Variants in CCM2 observed in about 807,000 individuals in gnomAD.
CCM2 encodes CCM2 scaffold protein, also known as cerebral cavernous malformations 2 protein.
In CCM2, 25 loss-of-function variants were observed where a neutral mutation model predicts 44.9. The observed-to-expected ratio is 0.56, with a 90% CI of 0.41 to 0.78. The LOEUF is 0.78. Among genes scored for constraint, CCM2 ranks in the 30% least tolerant of loss-of-function variants. The pLI is 0.00. For missense variants in CCM2, 481 were observed against 580.6 expected, an observed-to-expected ratio of 0.83 and a Z score of 1.76; for synonymous variants, 219 against 241.1, an observed-to-expected ratio of 0.91 and a Z score of 0.85.
intron 4 of CCM2, among the ~76,000 whole-genome samples, chr7:45,065,114 C>CT (rs1236595743): frequency 1.3e-5 from 2 of 152,238 alleles, no homozygotes; most frequent in African/African-American, 4.8e-5. Flanking sequence ...AGGTTACTCT[C>CT]TGTGTGTCCT....
chr7:45,033,177 C>G (rs775257932), intron 1 of CCM2, among the ~76,000 whole-genome samples: 1 of 152,030 alleles, frequency 6.6e-6, no homozygotes, highest in African/African-American at 2.4e-5. Flanking sequence ...GTTTCCTTGC[C>G]CTGCAAGAGT....
chr7:45,015,457 C>CCTTCCT (rs1299078350), intron 1 of CCM2, among the ~76,000 whole-genome samples: 6 of 152,286 alleles, frequency 3.9e-5, no homozygotes, highest in Admixed American at 3.3e-4. Flanking sequence ...TTCCCCTTCC[C>CCTTCCT]CTTCCTGGAT....
chr7:45,020,236 CTTGT>C (rs1796432159), intron 1 of CCM2, among the ~76,000 whole-genome samples: 1 of 151,962 alleles, frequency 6.6e-6, no homozygotes, highest in Non-Finnish European at 1.5e-5. Context: ...TTTTTTATTT[CTTGT>C]TTGTCTCCAG....
chr7:45,061,456 C>CTTTTTTTTTTTTT (rs57140747), intron 2 of CCM2, among the ~76,000 whole-genome samples: 13 of 122,278 alleles, frequency 1.1e-4, no homozygotes, highest in Non-Finnish European at 1.9e-4. Context: ...TTCTTTCTTT[C>CTTTTTTTTTTTTT]TTTTTTTTTT....
intron 1 of CCM2, among the ~76,000 whole-genome samples, chr7:45,022,528 C>T (rs1347532094): frequency 6.6e-6 from 1 of 151,034 alleles, no homozygotes; most frequent in African/African-American, 2.4e-5. Context: ...GGATGGTCTC[C>T]ATCTCCTGAC....
intron 2 of CCM2, among the ~76,000 whole-genome samples, chr7:45,049,121 A>G (rs1258904124): frequency 6.6e-6 from 1 of 151,948 alleles, no homozygotes; most frequent in Non-Finnish European, 1.5e-5. Context: ...ACACCTGGCT[A>G]ATTTTTGTAT....
At chr7:45,046,912 AG>A (rs556155828) in intron 2 of CCM2, among the ~76,000 whole-genome samples, 410 of 152,344 alleles carry the variant, frequency 2.7e-3, no homozygotes, top group Non-Finnish European at 4.4e-3. Context: ...CATAAGCAAA[AG>A]ACAGGAGGAG....
chr7:45,023,283 C>G (rs534712807), intron 1 of CCM2, among the ~76,000 whole-genome samples: 223 of 152,220 alleles, frequency 1.5e-3, no homozygotes, highest in African/African-American at 5.1e-3. Flanking sequence ...GGTGCAGTGG[C>G]TCACACCTGT....
At chr7:45,053,256 C>T (rs1798094394) in intron 2 of CCM2, among the ~76,000 whole-genome samples, 1 of 152,210 alleles carries the variant, frequency 6.6e-6, no homozygotes, top group South Asian at 2.1e-4. Flanking sequence ...GGGGAAATCA[C>T]TGTGGTGTGT....
intron 1 of CCM2, among the ~76,000 whole-genome samples, chr7:45,025,277 TG>T (rs1356414101): frequency 6.6e-6 from 1 of 152,168 alleles, no homozygotes; most frequent in Non-Finnish European, 1.5e-5. Context: ...GAATTCTTTT[TG>T]GGGGCTAACA....
intron 1 of CCM2, among the ~76,000 whole-genome samples, chr7:45,001,161 C>T (rs1413337750): frequency 6.6e-6 from 1 of 152,190 alleles, no homozygotes; most frequent in Non-Finnish European, 1.5e-5. Flanking sequence ...TTTTACTACC[C>T]TGAACTCTGC....
intron 1 of CCM2, among the ~76,000 whole-genome samples, chr7:45,030,764 C>A (rs769230496): frequency 6.6e-6 from 1 of 152,026 alleles, no homozygotes; most frequent in South Asian, 2.1e-4. Context: ...CACTCTGTCA[C>A]CCAGGCTGGA....
chr7:45,060,573 ATGT>A (rs763522675), intron 2 of CCM2, among the ~76,000 whole-genome samples: 4 of 152,176 alleles, frequency 2.6e-5, no homozygotes, highest in African/African-American at 4.8e-5. Context: ...CATTGCACAT[ATGT>A]TACACTTTTT....
chr7:45,037,571 C>CCA (rs1269126628), intron 1 of CCM2, among the ~76,000 whole-genome samples: 2 of 152,048 alleles, frequency 1.3e-5, no homozygotes, highest in African/African-American at 4.8e-5. Flanking sequence ...ACATGTGCCA[C>CCA]CACACCTGGC....
chr7:45,033,728 A>G (rs962051199), intron 1 of CCM2, among the ~76,000 whole-genome samples: 4 of 152,178 alleles, frequency 2.6e-5, no homozygotes, highest in Non-Finnish European at 5.9e-5. Context: ...CATAACCTCC[A>G]GGCCAGGGTC....
At chr7:45,041,762 A>G (rs1329697905) in intron 2 of CCM2, among the ~76,000 whole-genome samples, 1 of 152,210 alleles carries the variant, frequency 6.6e-6, no homozygotes, top group Non-Finnish European at 1.5e-5. Context: ...CCTGTTGGGC[A>G]GTAACAAACC....
intron 6 of CCM2, chr7:45,072,483 G>T: frequency 1.6e-6 from 1 of 615,084 alleles, no homozygotes; most frequent in Admixed American, 2.4e-5. Context: ...CTTCAGCCCA[G>T]CGTGCAGCAG....
intron 4 of CCM2, among the ~76,000 whole-genome samples, chr7:45,066,321 A>T (rs940971485): frequency 2.0e-5 from 3 of 152,100 alleles, no homozygotes; most frequent in African/African-American, 7.2e-5. Flanking sequence ...ATATTTTAAA[A>T]ATTTTTGTAA....
At chr7:45,025,574 C>T (rs1379401981) in intron 1 of CCM2, among the ~76,000 whole-genome samples, 2 of 149,928 alleles carry the variant, frequency 1.3e-5, no homozygotes, top group Middle Eastern at 3.5e-3. Context: ...ACTCTTGTTG[C>T]CCAGGCTGGA....
Sources: allele counts gnomAD v4.1 joint callset (sites outside exome capture counted in the v4.1 genomes callset), GRCh38; gene constraint gnomAD v4.1.1; transcripts MANE v1.5; gene names NCBI Gene and HGNC (gene_info 2026-07-23, HGNC 2026-07-21).